Variants in CLPP observed in about 807,000 individuals in gnomAD.
CLPP encodes ATP-dependent Clp protease proteolytic subunit, mitochondrial.
Under a neutral mutation model 27.4 loss-of-function variants are expected in CLPP, and 14 were observed. That is an observed-to-expected ratio of 0.51 (90% confidence interval 0.34 to 0.80). CLPP has a LOEUF of 0.80. Ranked by LOEUF, CLPP falls within the 30% of genes least tolerant of loss-of-function variation. The pLI, the probability that CLPP is intolerant of heterozygous loss-of-function variation, is 0.02. For synonymous variants in CLPP, 193 were observed against 166.6 expected (o/e 1.16, Z -1.22); for missense variants, 361 against 403.6 (o/e 0.89, Z 0.90).
intron 3 of CLPP, 68 bp from the exon 4 acceptor site, chr19:6,364,384 T>C (rs1208878970): frequency 2.4e-5 from 35 of 1,449,632 alleles, no homozygotes; most frequent in Non-Finnish European, 3.1e-5. Context: ...TCCCCAGGTT[T>C]AGGAGATGGA....
At chr19:6,363,072 T>C (rs564680431) in intron 3 of CLPP, among the ~76,000 whole-genome samples, 3 of 151,426 alleles carry the variant, frequency 2.0e-5, no homozygotes, top group Non-Finnish European at 4.4e-5. Flanking sequence ...GTAGATTTTT[T>C]CCCCCTCCCC....
chr19:6,362,131 G>C, intron 2 of CLPP, 191 bp downstream of exon 2: 1 of 597,110 alleles, frequency 1.7e-6, no homozygotes. Flanking sequence ...TCTGCTCCTC[G>C]GCTCTTAATC....
chr19:6,369,997 C>A lies in CLPP; in HGVS notation c.*1287C>A, dbSNP rs530269267. Among the ~76,000 whole-genome samples the A allele has an allele frequency of 6.6e-6, 1 of 152,084 alleles. No homozygotes were observed. The highest frequency in any genetic ancestry group is 1.5e-5 in the Non-Finnish European group (1 of 67,994). ...AGACGAAAGCTGATGGCAGCCCTGG[C>A]CGAGTGATGAGAAAAAGTCAGATTC... On this transcript the variant is annotated 3_prime_UTR_variant, in exon 6 of 6. Coordinates refer to ENST00000245816, the MANE Select transcript of CLPP (RefSeq NM_006012.4).
chr19:6,367,374 C>CAAA (rs761550793), intron 5 of CLPP, among the ~76,000 whole-genome samples: 6 of 60,738 alleles, frequency 9.9e-5, no homozygotes, highest in East Asian at 7.3e-4. Flanking sequence ...GACCCTGTCT[C>CAAA]AAAAAAAAAA....
intron 5 of CLPP, among the ~76,000 whole-genome samples, chr19:6,367,159 G>A (rs1018035885): frequency 2.0e-5 from 3 of 151,818 alleles, no homozygotes; most frequent in Non-Finnish European, 2.9e-5. Flanking sequence ...GGCGGATCAC[G>A]AGGTCAGGAG....
intron 5 of CLPP, among the ~76,000 whole-genome samples, chr19:6,367,560 A>T (rs2091868897): frequency 6.6e-6 from 1 of 151,944 alleles, no homozygotes; most frequent in Non-Finnish European, 1.5e-5. Context: ...GGCAAGGATT[A>T]GTGACTGTCG....
chr19:6,363,344 A>C (rs955564744), intron 3 of CLPP, among the ~76,000 whole-genome samples: 1 of 151,694 alleles, frequency 6.6e-6, no homozygotes, highest in Non-Finnish European at 1.5e-5. Context: ...GCTGGTCTTG[A>C]ACTCCTGACC....
At chr19:6,362,389 C>T in intron 2 of CLPP, 57 bp from the exon 3 acceptor site, 1 of 1,284,612 alleles carries the variant, frequency 7.8e-7, no homozygotes, top group Admixed American at 1.7e-5. Flanking sequence ...CCCAGCCTCC[C>T]TTAAAACTCT....
rs377653992 is a variant in CLPP, at chr19:6,368,543, G to A, written c.667G>A (p.Ala223Thr). 1.3e-4 allele frequency: 212 copies of A among 1,614,022 alleles called. No individual in the cohort carries two copies. The highest frequency in any genetic ancestry group is 3.0e-4 in the Admixed American group (18 of 60,002). ...ACCTCCTGCTTCCCCACCAGAGTCCGCCATGGAGAGGGACCGCTACATGAG... is the reference window on the plus strand; with the variant it reads ...ACCTCCTGCTTCCCCACCAGAGTCCACCATGGAGAGGGACCGCTACATGAG... ...TKQSLQVIES[A>T]MERDRYMSPM... The change falls in exon 6 of 6, where the codon GCC becomes ACC. Residue 223 changes from alanine (A) to threonine (T), a missense_variant. By Grantham distance (58) the Ala-to-Thr change is moderately conservative. Transcript: ENST00000245816.
At position 6,361,537 on chromosome 19, in the gene CLPP, C is replaced by T; in HGVS notation, c.-38C>T. 2 of 1,368,658 alleles carry T rather than the reference C, an allele frequency of 1.5e-6. No homozygotes were observed. The highest frequency in any genetic ancestry group is 1.9e-6 in the Non-Finnish European group (2 of 1,054,098). 84.8% of individuals were successfully genotyped at this position (1,368,658 alleles called of 1,614,324 possible). Reference sequence around the variant, plus strand: ...GCAAAGCACGCCGGAAGCTGTAGTTCCGCCATCGGACGGAAGCCGACCGGG... The same window carrying T: ...GCAAAGCACGCCGGAAGCTGTAGTTTCGCCATCGGACGGAAGCCGACCGGG... On this transcript the variant is annotated 5_prime_UTR_variant, in exon 1 of 6. Coordinates refer to ENST00000245816, the MANE Select transcript of CLPP (RefSeq NM_006012.4).
At chr19:6,363,767 G>A (rs2091847829) in intron 3 of CLPP, among the ~76,000 whole-genome samples, 1 of 151,622 alleles carries the variant, frequency 6.6e-6, no homozygotes, top group Admixed American at 6.6e-5. Flanking sequence ...GCATGGTGGT[G>A]TACTTGTAAT....
chr19:6,368,931 G>GCA lies in CLPP; in HGVS notation c.*223_*224dup. The GCA allele has an allele frequency of 1.7e-6, 1 of 574,448 alleles. No homozygotes were observed. Among genetic ancestry groups the GCA allele is most frequent in the Non-Finnish European group, 3.1e-6 (1 of 321,826 alleles). 35.6% of individuals were successfully genotyped at this position (574,448 alleles called of 1,614,324 possible). On this transcript the variant is annotated 3_prime_UTR_variant, in exon 6 of 6. Coordinates refer to ENST00000245816, the MANE Select transcript of CLPP (RefSeq NM_006012.4). ...CTGCGTCTGGGACACCCTCCCTTCTGCACCATGACAGCGTGTACACATCTG... is the reference window on the plus strand; with the variant it reads ...CTGCGTCTGGGACACCCTCCCTTCTGCACACCATGACAGCGTGTACACATCTG...
chr19:6,363,216 C>T (rs2091845200), intron 3 of CLPP, among the ~76,000 whole-genome samples: 1 of 132,200 alleles, frequency 7.6e-6, no homozygotes, highest in Non-Finnish European at 1.5e-5. Context: ...ACCTCTGCCT[C>T]CTTGGGTTCA....
At chr19:6,365,674 C>T (rs948380074) in intron 4 of CLPP, among the ~76,000 whole-genome samples, 1 of 150,072 alleles carries the variant, frequency 6.7e-6, no homozygotes, top group Non-Finnish European at 1.5e-5. Context: ...TTTAAAATGA[C>T]TCGGGCATGG....
intron 4 of CLPP, chr19:6,365,246 G>A (rs1251177274): frequency 6.6e-6 from 1 of 151,778 alleles, no homozygotes; most frequent in East Asian, 1.9e-4. Flanking sequence ...TGGGAAGCTG[G>A]AGCAGGTGGA....
At chr19:6,366,991 C>A (rs1439554782) in intron 5 of CLPP, among the ~76,000 whole-genome samples, 4 of 151,938 alleles carry the variant, frequency 2.6e-5, no homozygotes, top group Admixed American at 1.3e-4. Context: ...GTAATCCCAG[C>A]ACTTTGGGAG....
chr19:6,362,159 C>T lies in CLPP; in HGVS notation c.270+219C>T, dbSNP rs1045366928. The T allele has an allele frequency of 1.7e-5, 10 of 601,960 alleles. No homozygotes were observed. The African/African-American group carries it at 1.9e-4, about 11-fold the overall frequency. The allele number at this position is 601,960 out of a possible 1,614,324, so 37.3% of individuals were successfully genotyped here. A position where few individuals can be genotyped will look rare whatever the true frequency, so the allele number is the denominator to read the frequency against. On this transcript the variant is annotated intron_variant, in intron 2 of 5. Transcript: ENST00000245816. ...TCTTAATCTCCGACTTCCTTCCTGA[C>T]ACCTGGCACCGCTCCCCTCATTCCT...
Position 6,361,637 on chromosome 19 carries a change from G to T in CLPP, c.63G>T (p.Gly21=). The T allele has an allele frequency of 2.1e-6, 3 of 1,419,096 alleles. No homozygotes were observed. The highest frequency in any genetic ancestry group is 9.2e-7 in the Non-Finnish European group (1 of 1,086,294). The allele number at this position is 1,419,096 out of a possible 1,614,324, so 87.9% of individuals were successfully genotyped here. A position where few individuals can be genotyped will look rare whatever the true frequency, so the allele number is the denominator to read the frequency against. Residue 21 remains glycine, a synonymous_variant, in exon 1 of 6, where the codon GGG becomes GGT. Coordinates refer to ENST00000245816, the MANE Select transcript of CLPP (RefSeq NM_006012.4). ...CGTCATGCAGGTACCCCGCGCTGGG[G>T]CCTCGCCTCGCCGCTCACTTTCCAG... The part of the protein sequence containing the change: ...RVASCRYPAL[G]PRLAAHFPAQ...
chr19:6,368,920 C>CCCT lies in CLPP; in HGVS notation c.*213_*215dup. 3.4e-6 allele frequency: 2 copies of CCCT among 584,436 alleles called. No homozygotes were observed. Among genetic ancestry groups the CCCT allele is most frequent in the South Asian group, 4.1e-5 (2 of 49,344 alleles). 36.2% of individuals were successfully genotyped at this position (584,436 alleles called of 1,614,324 possible). A position where few individuals can be genotyped will look rare whatever the true frequency, so the allele number is the denominator to read the frequency against. On this transcript the variant is annotated 3_prime_UTR_variant, in exon 6 of 6. Coordinates refer to ENST00000245816, the MANE Select transcript of CLPP (RefSeq NM_006012.4). ...TGGTCTTTGCTCTGCGTCTGGGACACCCTCCCTTCTGCACCATGACAGCGT... is the reference window on the plus strand; with the variant it reads ...TGGTCTTTGCTCTGCGTCTGGGACACCCTCCTCCCTTCTGCACCATGACAGCGT...
Sources: allele counts gnomAD v4.1 joint callset (sites outside exome capture counted in the v4.1 genomes callset), GRCh38; gene constraint gnomAD v4.1.1; transcripts MANE v1.5; gene names NCBI Gene and HGNC (gene_info 2026-07-23, HGNC 2026-07-21).